Variants in DALRD3 observed in about 807,000 individuals in gnomAD.
DALRD3 encodes DALR anticodon-binding domain-containing protein 3.
In DALRD3, 47 loss-of-function variants were observed where a neutral mutation model predicts 56.7. The observed-to-expected ratio is 0.83, with a 90% CI of 0.66 to 1.06. The LOEUF is 1.06. Among genes scored for constraint, DALRD3 ranks in the 50% least tolerant of loss-of-function variants. The pLI, the probability that DALRD3 is intolerant of heterozygous loss-of-function variation, is 0.00. For missense variants in DALRD3, 787 were observed against 724.0 expected (o/e 1.09, Z -1.00); for synonymous variants, 347 against 308.5 (o/e 1.12, Z -1.31).
At position 49,018,575 on chromosome 3, in the gene DALRD3, AG is replaced by A; in HGVS notation, c.-12del. On this transcript the variant is annotated 5_prime_UTR_variant, in exon 1 of 12. Coordinates refer to ENST00000341949, the MANE Select transcript of DALRD3 (RefSeq NM_001009996.3). The stretch of plus-strand genomic sequence containing the variant: ...GCGCCTGGTCGCCATGGTGACCGGA[AG>A]GAGTAAGCGGAACCGGAAAAAAATT... 6.4e-7 allele frequency: 1 copy of A among 1,561,872 alleles called. No individual in the cohort carries two copies. The highest frequency in any genetic ancestry group is 1.4e-5 in the African/African-American group (1 of 72,412).
chr3:49,020,420 C>G (rs2093143556), upstream of DALRD3: 2 of 390,296 alleles, frequency 5.1e-6, no homozygotes, highest in East Asian at 7.3e-5. Flanking sequence ...CCATTGCAGC[C>G]CTACCCAGAG....
intron 8 of DALRD3, 29 bp downstream of exon 8, chr3:49,016,400 C>T (rs1286887396): frequency 6.2e-7 from 1 of 1,608,810 alleles, no homozygotes; most frequent in Non-Finnish European, 8.5e-7. Flanking sequence ...TGTGCCCCAA[C>T]ACTGGCCCTG....
upstream of DALRD3, among the ~76,000 whole-genome samples, chr3:49,019,328 C>T (rs1239533191): frequency 6.6e-6 from 1 of 152,096 alleles, no homozygotes; most frequent in African/African-American, 2.4e-5. Flanking sequence ...GCCTCGGCCT[C>T]CGAAAGTGCT....
chr3:49,017,306 A>G lies in DALRD3; in HGVS notation c.849T>C (p.Val283=). The change falls in exon 5 of 12, where the codon GTT becomes GTC. Residue 283 remains valine (V), a synonymous_variant. Transcript: ENST00000341949. Reference sequence around the variant, plus strand: ...GTTGCTGGAACTCCTCCTCACAGCTAACAACATGTACAACCAGGCAGCCGC... The same window carrying G: ...GTTGCTGGAACTCCTCCTCACAGCTGACAACATGTACAACCAGGCAGCCGC... ...GTGGCLVVHV[V]SCEEEFQQQK... is the part of the protein sequence containing the mutation. 1 of 1,614,210 alleles carries G rather than the reference A, an allele frequency of 6.2e-7. No individual in the cohort carries two copies.
rs771199097 is a variant in DALRD3 at position 49,018,118 on chromosome 3, G to A, written c.366C>T (p.Cys122=). 1.1e-5 allele frequency: 17 copies of A among 1,482,022 alleles called. No homozygotes were observed. The African/African-American group carries it at 2.1e-4, about 18-fold the overall frequency. 91.8% of individuals were successfully genotyped at this position (1,482,022 alleles called of 1,614,324 possible). The change falls in exon 2 of 12, where the codon TGC becomes TGT. Residue 122 remains cysteine (C), a synonymous_variant. Coordinates refer to ENST00000341949, the MANE Select transcript of DALRD3 (RefSeq NM_001009996.3). ...CGCAGGGGGAGCTGCGCAGTGCTGGGCAGTGTAGTAAGACGCGCTGGCCCA... is the reference window on the plus strand; with the variant it reads ...CGCAGGGGGAGCTGCGCAGTGCTGGACAGTGTAGTAAGACGCGCTGGCCCA... ...ASLGQRVLLH[C]PALRSSPCAL... is the part of the protein sequence containing the mutation.
intron 11 of DALRD3, 27 bp downstream of exon 11, chr3:49,015,777 T>C: frequency 6.2e-7 from 1 of 1,614,120 alleles, no homozygotes; most frequent in Non-Finnish European, 8.5e-7. Context: ...TCTCTGCACG[T>C]CCCACCCCAT....
In DALRD3 at chr3:49,016,280, C is replaced by T; in HGVS notation, c.1207G>A (p.Val403Ile). Residue 403 changes from valine (V) to isoleucine (I), a missense_variant, in exon 9 of 12, where the codon GTC (valine) becomes ATC (isoleucine). Physicochemically the swap from Val to Ile is conservative, Grantham distance 29 (BLOSUM62 3). Coordinates refer to ENST00000341949, the MANE Select transcript of DALRD3 (RefSeq NM_001009996.3). ...GCAAGACGGGCACAATTATACATGA[C>T]AAAGGTGCCACTCTTTGTGCCCTTC... is the stretch of plus-strand genomic sequence containing the variant. ...STKGTKSGTF[V>I]MYNCARLATL... 6.2e-7 allele frequency: 1 copy of T among 1,613,676 alleles called. No homozygotes were observed.
upstream of DALRD3, chr3:49,020,702 T>C (rs1490347956): frequency 6.1e-6 from 3 of 488,792 alleles, no homozygotes; most frequent in Admixed American, 4.4e-5. Flanking sequence ...TTGCCCGCTG[T>C]CCAGCCGTTG....
chr3:49,017,978 C>G (rs1318792146), intron 2 of DALRD3, 45 bp downstream of exon 2: 2 of 1,486,354 alleles, frequency 1.3e-6, no homozygotes, highest in South Asian at 1.3e-5. Context: ...TTCTAGGTAC[C>G]CGGCAGTCCC....
upstream of DALRD3, chr3:49,018,880 C>T: frequency 1.0e-6 from 1 of 985,434 alleles, no homozygotes; most frequent in Non-Finnish European, 1.2e-6. Context: ...CGTCTCTTCT[C>T]ATCGAAGTCT....
At chr3:49,015,936 A>T in intron 10 of DALRD3, 37 bp downstream of exon 10, 1 of 1,614,210 alleles carries the variant, frequency 6.2e-7, no homozygotes, top group Non-Finnish European at 8.5e-7. Flanking sequence ...CAGAATAAAG[A>T]ATAGAGTGTA....
rs1273083266 is a variant in DALRD3 at position 49,018,521 on chromosome 3, A to G, written c.44T>C (p.Leu15Pro). The G allele has an allele frequency of 1.3e-6, 2 of 1,584,720 alleles. No individual in the cohort carries two copies. Among genetic ancestry groups the G allele is most frequent in the Non-Finnish European group, 1.7e-6 (2 of 1,165,356 alleles). ...ACCGCCTGGCCCCAGGGCCGCGTTG[A>G]GGGCCCCCAGCGTCTCCCCGACCCC... ...RLGVGETLGA[L>P]NAALGPGGPV... Residue 15 changes from leucine (L) to proline (P), a missense_variant, in exon 1 of 12, where the codon CTC (leucine) becomes CCC (proline). Physicochemically the swap from Leu to Pro is moderately conservative, Grantham distance 98. Coordinates refer to ENST00000341949, the MANE Select transcript of DALRD3 (RefSeq NM_001009996.3).
At chr3:49,017,559 T>A in intron 3 of DALRD3, 46 bp from the exon 4 acceptor site, 12 of 1,614,078 alleles carry the variant, frequency 7.4e-6, no homozygotes, top group Non-Finnish European at 1.0e-5. Flanking sequence ...GAAGCAGAGA[T>A]GTGCCCCTAA....
upstream of DALRD3, chr3:49,020,719 G>A (rs759930126): frequency 6.2e-6 from 3 of 480,266 alleles, no homozygotes; most frequent in African/African-American, 5.9e-5. Flanking sequence ...GTTGGCGGGG[G>A]GCGGGGGAGC....
chr3:49,017,975 T>A (rs368553099), intron 2 of DALRD3, 48 bp downstream of exon 2: 216 of 1,489,110 alleles, frequency 1.5e-4, no homozygotes, highest in Admixed American at 2.2e-4. Flanking sequence ...GCTTTCTAGG[T>A]ACCCGGCAGT....
chr3:49,017,600 C>T lies in DALRD3; in HGVS notation c.718+13G>A, dbSNP rs751898785. On this transcript the variant is annotated intron_variant, in intron 3 of 11. Transcript: ENST00000341949. ...TCCTGCCTTTTCTGGCCCTGCTAGG[C>T]TTCAGGTCCTACCCAGACAGTTGTC... The T allele has an allele frequency of 6.2e-7, 1 of 1,614,098 alleles. No homozygotes were observed. The highest frequency in any genetic ancestry group is 8.5e-7 in the Non-Finnish European group (1 of 1,179,966).
rs2093114867 is a variant in DALRD3 at position 49,018,247 on chromosome 3, CG to C, written c.236del (p.Ala79GlyfsTer56). On this transcript the variant is annotated frameshift_variant, in exon 2 of 12. Transcript: ENST00000341949. LOFTEE classifies it high-confidence loss of function. ...GPGVAPVLRC[A>X]PTPAGLSLQL... ...GGAGAGACAGACCCGCGGGGGTCGGCGCGCAGCGCAGCACCGGGGCCACACC... is the reference window on the plus strand; with the variant it reads ...GGAGAGACAGACCCGCGGGGGTCGGCCGCAGCGCAGCACCGGGGCCACACC... The C allele has an allele frequency of 2.8e-6, 4 of 1,436,518 alleles. No homozygotes were observed. Among genetic ancestry groups the C allele is most frequent in the Non-Finnish European group, 3.6e-6 (4 of 1,103,484 alleles). 89.0% of individuals were successfully genotyped at this position (1,436,518 alleles called of 1,614,324 possible).
rs1182031038 is a variant in DALRD3 at position 49,017,749 on chromosome 3, G to A, written c.582C>T (p.His194=). 7 of 1,614,022 alleles carry A rather than the reference G, an allele frequency of 4.3e-6. No individual in the cohort carries two copies. The highest frequency in any genetic ancestry group is 5.9e-6 in the Non-Finnish European group (7 of 1,180,032). The stretch of plus-strand genomic sequence containing the variant: ...TAGCAGAGGTAAGTTCTTCAAGGGC[G>A]TGGCTCCTCAGGGTGTGGGAGGAAG... The part of the protein sequence containing the change: ...ERASSHTLRS[H]ALEELTSAND... Residue 194 remains histidine, a synonymous_variant, in exon 3 of 12, where the codon CAC becomes CAT. Coordinates refer to ENST00000341949, the MANE Select transcript of DALRD3 (RefSeq NM_001009996.3).
At position 49,018,467 on chromosome 3, in the gene DALRD3, C is replaced by T. The variant is rs1284969545; in HGVS notation, c.98G>A (p.Arg33His). 2 of 1,588,218 alleles carry T rather than the reference C, an allele frequency of 1.3e-6. No homozygotes were observed. Among genetic ancestry groups the T allele is most frequent in the Non-Finnish European group, 8.6e-7 (1 of 1,167,686 alleles). The change falls in exon 1 of 12, where the codon CGC becomes CAC. Residue 33 changes from arginine (R) to histidine (H), a missense_variant. Arg to His is a conservative substitution (Grantham distance 29). Coordinates refer to ENST00000341949, the MANE Select transcript of DALRD3 (RefSeq NM_001009996.3). ...GPVWIKETRT[R>H]HLRSRDFLAP... ...CAGAAAGTCTCGGGAACGCAGGTGGCGGGTGCGCGTCTCCTTGATCCACAC... is the reference window on the plus strand; with the variant it reads ...CAGAAAGTCTCGGGAACGCAGGTGGTGGGTGCGCGTCTCCTTGATCCACAC...
Sources: gnomAD v4.1 joint callset for allele counts (sites outside exome capture counted in the v4.1 genomes callset) on GRCh38, gnomAD v4.1.1 for gene constraint, MANE v1.5 for transcripts, NCBI Gene and HGNC (gene_info 2026-07-23, HGNC 2026-07-21) for gene names.